The following RCOR1 variants were observed in gnomAD, a reference collection of about 807,000 sequenced individuals.
The protein encoded by RCOR1 is REST corepressor.
Under a neutral mutation model 64.0 loss-of-function variants are expected in RCOR1, and 12 were observed. That is an observed-to-expected ratio of 0.19 (90% CI 0.12 to 0.30). RCOR1 has a LOEUF of 0.30. Ranked by LOEUF, RCOR1 falls within the 10% of genes least tolerant of loss-of-function variation. The pLI, the probability that RCOR1 is intolerant of heterozygous loss-of-function variation, is 1.00. For missense variants in RCOR1, 502 were observed against 621.2 expected (o/e 0.81, Z 2.04); for synonymous variants, 279 against 227.2 (o/e 1.23, Z -2.05).
chr14:102,713,508 T>C (rs534335291), intron 7 of RCOR1, among the ~76,000 whole-genome samples: 1 of 151,934 alleles, frequency 6.6e-6, no homozygotes, highest in East Asian at 1.9e-4. Context: ...GGTCTCAATC[T>C]CCTGACTTCG....
intron 2 of RCOR1, among the ~76,000 whole-genome samples, chr14:102,613,345 G>A (rs1207527223): frequency 6.6e-6 from 1 of 151,780 alleles, no homozygotes; most frequent in East Asian, 1.9e-4. Flanking sequence ...CAGGTGGTCC[G>A]CCATTCTCAG....
At chr14:102,706,582 A>G (rs986877421) in intron 4 of RCOR1, among the ~76,000 whole-genome samples, 10 of 152,276 alleles carry the variant, frequency 6.6e-5, no homozygotes, top group Admixed American at 3.9e-4. Flanking sequence ...CACTAATTCT[A>G]CTTCTGGCCA....
chr14:102,592,967 C>CGCT lies in RCOR1; in HGVS notation c.83_84insTGC (p.Ala30dup). The CGCT allele has an allele frequency of 8.6e-7, 1 of 1,161,856 alleles. No homozygotes were observed. The highest frequency in any genetic ancestry group is 3.0e-5 in the South Asian group (1 of 33,582). 72.0% of individuals were successfully genotyped at this position (1,161,856 alleles called of 1,614,324 possible). A position where few individuals can be genotyped will look rare whatever the true frequency, so the allele number is the denominator to read the frequency against. ...ACAACGCGGCCGCCTCCGCCTCCGC[C>CGCT]GCCGCCGCCTCCGCCGCCGCCTCGG... On this transcript the variant is annotated inframe_insertion, in exon 1 of 12. Coordinates refer to ENST00000262241, the MANE Select transcript of RCOR1 (RefSeq NM_015156.4).
intron 2 of RCOR1, among the ~76,000 whole-genome samples, chr14:102,647,385 C>T (rs56141967): frequency 0.03 from 4,487 of 151,808 alleles, 107 homozygotes; most frequent in Non-Finnish European, 0.04. Flanking sequence ...GGTGTGATCT[C>T]GGCTCACTGC....
chr14:102,643,262 C>T (rs903022631), intron 2 of RCOR1: 33 of 791,390 alleles, frequency 4.2e-5, no homozygotes, highest in Admixed American at 6.3e-5. Flanking sequence ...CCAGCCTGGG[C>T]GACAGAGCGA....
intron 2 of RCOR1, among the ~76,000 whole-genome samples, chr14:102,624,241 C>T (rs1429526906): frequency 6.6e-6 from 1 of 151,412 alleles, no homozygotes; most frequent in African/African-American, 2.4e-5. Context: ...TGGTGGCTCA[C>T]GGCTGTAATC....
chr14:102,707,797 CTT>C (rs1300065853), intron 5 of RCOR1, among the ~76,000 whole-genome samples: 1 of 130,744 alleles, frequency 7.6e-6, no homozygotes. Context: ...ATACGAAGGA[CTT>C]TTTTTTTTTA....
intron 2 of RCOR1, among the ~76,000 whole-genome samples, chr14:102,617,450 A>C (rs1286197057): frequency 6.6e-6 from 1 of 152,160 alleles, no homozygotes; most frequent in Admixed American, 6.6e-5. Flanking sequence ...GTTAGGTAAA[A>C]CCATAGTAAT....
intron 1 of RCOR1, 32 bp downstream of exon 1, chr14:102,593,219 C>A (rs1893170285): frequency 4.1e-6 from 6 of 1,475,826 alleles, no homozygotes; most frequent in Non-Finnish European, 3.6e-6. Flanking sequence ...GGCCCCGGGC[C>A]CCGCGCCCCG....
At position 102,638,366 on chromosome 14, in the gene RCOR1, GTCT is replaced by G. The variant is rs1567417539; in HGVS notation, c.362-43524_362-43522del. Among the ~76,000 whole-genome samples the G allele has an allele frequency of 9.2e-5, 14 of 152,204 alleles. No individual in the cohort carries two copies. The South Asian group carries it at 2.7e-3, about 29-fold the overall frequency. ...ACCGTATTCTTACCTTTATAGCGTT[GTCT>G]TCTTTTCTTTCTTTTCTTTTTTTTT... On this transcript the variant is annotated intron_variant, in intron 2 of 11. Coordinates refer to ENST00000262241, the MANE Select transcript of RCOR1 (RefSeq NM_015156.4).
chr14:102,607,852 A>G (rs2139886438), intron 2 of RCOR1, among the ~76,000 whole-genome samples: 1 of 152,214 alleles, frequency 6.6e-6, no homozygotes, highest in Non-Finnish European at 1.5e-5. Context: ...ACTGCACACT[A>G]GCCTGGGCAA....
chr14:102,625,818 T>C (rs1893969084), intron 2 of RCOR1, among the ~76,000 whole-genome samples: 2 of 152,196 alleles, frequency 1.3e-5, no homozygotes, highest in African/African-American at 4.8e-5. Context: ...ATAATTTCTG[T>C]GTCTTTTCTT....
intron 3 of RCOR1, among the ~76,000 whole-genome samples, chr14:102,695,745 T>C (rs1185300208): frequency 6.6e-6 from 1 of 151,232 alleles, no homozygotes; most frequent in African/African-American, 2.4e-5. Flanking sequence ...GAGACGGGGT[T>C]TCACCATGTT....
intron 4 of RCOR1, among the ~76,000 whole-genome samples, chr14:102,705,638 T>A (rs1240008201): frequency 6.6e-6 from 1 of 152,080 alleles, no homozygotes; most frequent in Non-Finnish European, 1.5e-5. Context: ...TGTTTGTTTT[T>A]CGTAGATTCA....
intron 2 of RCOR1, among the ~76,000 whole-genome samples, chr14:102,594,661 T>C (rs1029403680): frequency 6.6e-6 from 1 of 151,892 alleles, no homozygotes; most frequent in Non-Finnish European, 1.5e-5. Context: ...TCTCCCCAAT[T>C]CTTTTTTTTT....
At chr14:102,683,903 C>G (rs892138899) in intron 3 of RCOR1, among the ~76,000 whole-genome samples, 4 of 152,230 alleles carry the variant, frequency 2.6e-5, no homozygotes, top group African/African-American at 9.6e-5. Flanking sequence ...TGGGGCTGCA[C>G]CCTCCTGCTG....
intron 3 of RCOR1, among the ~76,000 whole-genome samples, chr14:102,696,808 CTT>C (rs71305075): frequency 7.7e-3 from 444 of 57,408 alleles, no homozygotes; most frequent in Middle Eastern, 0.033. Context: ...ATCTGCTTAT[CTT>C]TTTTTTTTTT....
At chr14:102,617,191 A>C (rs1277776706) in intron 2 of RCOR1, among the ~76,000 whole-genome samples, 1 of 152,216 alleles carries the variant, frequency 6.6e-6, no homozygotes, top group Non-Finnish European at 1.5e-5. Context: ...AAATGCATGC[A>C]GTTTTTTACC....
chr14:102,694,468 G>T (rs1310111328), intron 3 of RCOR1, among the ~76,000 whole-genome samples: 1 of 152,068 alleles, frequency 6.6e-6, no homozygotes, highest in Non-Finnish European at 1.5e-5. Context: ...GTAGAGATGG[G>T]GTTTCACCGT....
Sources: allele counts gnomAD v4.1 joint callset (sites outside exome capture counted in the v4.1 genomes callset), GRCh38; gene constraint gnomAD v4.1.1; transcripts MANE v1.5; gene names NCBI Gene and HGNC (gene_info 2026-07-23, HGNC 2026-07-21).